ZFHX3: variants seen among roughly 807,000 people sequenced by gnomAD.
ZFHX3 encodes zinc finger homeobox protein 3.
A neutral mutation model predicts 279.1 loss-of-function variants in ZFHX3; 42 were observed. That is an observed-to-expected ratio of 0.15 (90% confidence interval 0.12 to 0.19). The LOEUF is 0.19. ZFHX3 is among the 10% of genes least tolerant of loss of function. The pLI, the probability that ZFHX3 is intolerant of heterozygous loss-of-function variation, is 1.00. For synonymous variants in ZFHX3, 2,293 were observed against 1,957.8 expected (o/e 1.17, Z -4.52); for missense variants, 4,981 against 4,754.0 (o/e 1.05, Z -1.40).
intron 1 of ZFHX3, among the ~76,000 whole-genome samples, chr16:72,981,739 C>G (rs946574352): frequency 6.6e-6 from 1 of 152,122 alleles, no homozygotes; most frequent in East Asian, 1.9e-4. Flanking sequence ...GCTGCAAGCT[C>G]CCCAGAAGCA....
At chr16:73,413,847 C>T (rs1285902984) in intron 3 of ZFHX3, among the ~76,000 whole-genome samples, 1 of 152,062 alleles carries the variant, frequency 6.6e-6, no homozygotes, top group Non-Finnish European at 1.5e-5. Context: ...ATGATTTGCC[C>T]AAGTAAAAAT....
chr16:73,787,026 T>A (rs12103016), intron 1 of ZFHX3, among the ~76,000 whole-genome samples: 6,053 of 152,276 alleles, frequency 0.04, 419 homozygotes, highest in African/African-American at 0.14. Context: ...TTAGTGACAT[T>A]TCTTTTGTGC....
chr16:73,260,973 T>G (rs1173568140), intron 4 of ZFHX3, among the ~76,000 whole-genome samples: 1 of 152,186 alleles, frequency 6.6e-6, no homozygotes, highest in Non-Finnish European at 1.5e-5. Flanking sequence ...CATGAGCCAC[T>G]GCGCCCAGCC....
chr16:73,808,352 G>GT (rs2142333841), intron 1 of ZFHX3: 1 of 152,320 alleles, frequency 6.6e-6, no homozygotes, highest in East Asian at 1.9e-4. Flanking sequence ...TGCTACTGTG[G>GT]TAAGTATTGC....
At chr16:73,176,438 G>A (rs1451041034) in intron 5 of ZFHX3, among the ~76,000 whole-genome samples, 2 of 152,134 alleles carry the variant, frequency 1.3e-5, no homozygotes, top group East Asian at 1.9e-4. Flanking sequence ...CTCCCTTTAT[G>A]TGAGTACACT....
chr16:72,922,017 C>T (rs9940216), intron 3 of ZFHX3, among the ~76,000 whole-genome samples: 41,821 of 152,128 alleles, frequency 0.27, 6,039 homozygotes, highest in African/African-American at 0.3. Context: ...GGGGCACCAG[C>T]CATGGAGGGG....
intron 2 of ZFHX3, among the ~76,000 whole-genome samples, chr16:73,678,941 G>C (rs1249723958): frequency 6.6e-6 from 1 of 152,112 alleles, no homozygotes; most frequent in Non-Finnish European, 1.5e-5. Context: ...TGCTAACGAG[G>C]ATCACAACAC....
chr16:72,866,784 C>T (rs1403278337), intron 4 of ZFHX3, among the ~76,000 whole-genome samples: 1 of 152,166 alleles, frequency 6.6e-6, no homozygotes, highest in Non-Finnish European at 1.5e-5. Flanking sequence ...CTTTGAACAT[C>T]TTCAGTGTAC....
At chr16:73,062,974 T>A (rs1397015634), upstream of ZFHX3, among the ~76,000 whole-genome samples, 1 of 152,258 alleles carries the variant, frequency 6.6e-6, no homozygotes, top group Non-Finnish European at 1.5e-5. Flanking sequence ...GTTAACATGA[T>A]CTAAACATCC....
intron 4 of ZFHX3, among the ~76,000 whole-genome samples, chr16:73,302,676 AT>A (rs144853976): frequency 0.012 from 1,784 of 152,302 alleles, 16 homozygotes; most frequent in Middle Eastern, 0.024. Context: ...TTTTGTATTA[AT>A]GAGGTCAAGC....
intron 3 of ZFHX3, among the ~76,000 whole-genome samples, chr16:73,329,965 G>GTTA (rs150045375): frequency 0.016 from 2,472 of 152,290 alleles, 50 homozygotes; most frequent in Admixed American, 0.071. Flanking sequence ...TAGAGCAGTT[G>GTTA]TTATTATTCA....
chr16:72,828,864 A>C (rs1182041771), intron 5 of ZFHX3, among the ~76,000 whole-genome samples: 1 of 151,494 alleles, frequency 6.6e-6, no homozygotes, highest in African/African-American at 2.4e-5. Flanking sequence ...CACAATGCCT[A>C]ATTTTTTGTA....
At chr16:73,496,347 A>G (rs1280375042) in intron 2 of ZFHX3, among the ~76,000 whole-genome samples, 1 of 152,192 alleles carries the variant, frequency 6.6e-6, no homozygotes, top group East Asian at 1.9e-4. Flanking sequence ...CCTGGCCAAT[A>G]TGGTGAAACC....
rs59693506 is a variant in ZFHX3 at position 73,890,240 on chromosome 16, CAA to C, written c.-1608+1409_-1608+1410del. ...AATTGTAAGAGTGTAAAAAAAAAACCAAAAAAAAAAAAAACAACAAAAAAAAA... is the reference window on the plus strand; with the variant it reads ...AATTGTAAGAGTGTAAAAAAAAAACCAAAAAAAAAAAACAACAAAAAAAAA... On this transcript the variant is annotated intron_variant, in intron 1 of 17. Transcript: ENST00000641206. Among the ~76,000 whole-genome samples, 1,292 of 130,074 alleles carry C rather than the reference CAA, an allele frequency of 9.9e-3. 13 individuals carry two copies. The highest frequency in any genetic ancestry group is 0.031 in the Middle Eastern group (7 of 228). The allele number at this position is 130,074 out of a possible 152,430, so 85.3% of individuals were successfully genotyped here. A position where few individuals can be genotyped will look rare whatever the true frequency, so the allele number is the denominator to read the frequency against.
intron 5 of ZFHX3, among the ~76,000 whole-genome samples, chr16:73,160,769 C>T (rs1967211869): frequency 7.0e-6 from 1 of 143,164 alleles, no homozygotes; most frequent in South Asian, 2.2e-4. Flanking sequence ...TTTCTTTTCT[C>T]TTCTTTTTTT....
intron 3 of ZFHX3, among the ~76,000 whole-genome samples, chr16:72,898,708 A>AT (rs1402496459): frequency 6.8e-6 from 1 of 146,592 alleles, no homozygotes; most frequent in African/African-American, 2.6e-5. Context: ...TCAGGCATGC[A>AT]TTTTTACCAT....
intron 5 of ZFHX3, among the ~76,000 whole-genome samples, chr16:73,220,947 C>T (rs1400862660): frequency 1.2e-4 from 18 of 152,032 alleles, no homozygotes; most frequent in Admixed American, 1.1e-3. Flanking sequence ...CAACAGTGGT[C>T]CAGGGAATCT....
intron 5 of ZFHX3, among the ~76,000 whole-genome samples, chr16:73,176,906 C>T (rs1967678852): frequency 6.6e-6 from 1 of 151,848 alleles, no homozygotes; most frequent in South Asian, 2.1e-4. Context: ...AGGAAAGTGC[C>T]TTCATCATTT....
intron 2 of ZFHX3, among the ~76,000 whole-genome samples, chr16:72,951,417 C>A (rs927470481): frequency 3.3e-5 from 5 of 152,086 alleles, no homozygotes. Context: ...CCCACCACCA[C>A]GGCCAGCTAA....
Sources: gnomAD v4.1 joint callset for allele counts (sites outside exome capture counted in the v4.1 genomes callset) on GRCh38, gnomAD v4.1.1 for gene constraint, MANE v1.5 for transcripts, NCBI Gene and HGNC (gene_info 2026-07-23, HGNC 2026-07-21) for gene names.